Variants in PTCSC3 observed in about 807,000 individuals in gnomAD.
The protein encoded by PTCSC3 is papillary thyroid carcinoma susceptibility candidate 3, also known as papillary thyroid carcinoma susceptibility candidate 3 (non-protein coding).
intron 3 of PTCSC3, among the ~76,000 whole-genome samples, chr14:36,140,832 C>T (rs1366950248): frequency 6.6e-6 from 1 of 151,976 alleles, no homozygotes; most frequent in Non-Finnish European, 1.5e-5. Context: ...GATTTTCTTC[C>T]TGTGTTATCT....
intron 1 of PTCSC3, among the ~76,000 whole-genome samples, chr14:36,163,745 A>G (rs990675226): frequency 1.3e-5 from 2 of 152,202 alleles, no homozygotes; most frequent in African/African-American, 4.8e-5. Flanking sequence ...TTTAAAATAG[A>G]ACGGCACGAA....
At chr14:36,171,432 A>C (rs1834855) in intron 1 of PTCSC3, among the ~76,000 whole-genome samples, 1 of 151,620 alleles carries the variant, frequency 6.6e-6, no homozygotes, top group Non-Finnish European at 1.5e-5. Flanking sequence ...TGCTATACTG[A>C]AATCTGAATG....
chr14:36,145,911 T>C (rs1425896435), intron 3 of PTCSC3, among the ~76,000 whole-genome samples: 16 of 151,238 alleles, frequency 1.1e-4, no homozygotes, highest in East Asian at 3.9e-4. Context: ...GCCTTCATTT[T>C]GTTATGTACC....
chr14:36,163,558 C>A (rs1036804439), intron 1 of PTCSC3, among the ~76,000 whole-genome samples: 3 of 152,044 alleles, frequency 2.0e-5, no homozygotes, highest in African/African-American at 7.2e-5. Context: ...GACTAACTTC[C>A]AGAGGTCAGG....
At chr14:36,163,465 A>G (rs1468940602) in intron 1 of PTCSC3, among the ~76,000 whole-genome samples, 2 of 151,888 alleles carry the variant, frequency 1.3e-5, no homozygotes, top group African/African-American at 4.9e-5. Flanking sequence ...AACTAAAGAA[A>G]GGAAGGAGAG....
intron 1 of PTCSC3, among the ~76,000 whole-genome samples, chr14:36,166,442 A>T (rs1594456236): frequency 6.6e-6 from 1 of 152,234 alleles, no homozygotes. Context: ...CTTTATAAAA[A>T]GTTCAAATAT....
chr14:36,163,195 A>G (rs12433852), intron 1 of PTCSC3, among the ~76,000 whole-genome samples: 4,561 of 152,248 alleles, frequency 0.03, 177 homozygotes, highest in Admixed American at 0.11. Flanking sequence ...CAATATAGCA[A>G]GAGTCCATCT....
At chr14:36,149,149 C>G (rs922049106) in intron 3 of PTCSC3, among the ~76,000 whole-genome samples, 3 of 152,052 alleles carry the variant, frequency 2.0e-5, no homozygotes, top group South Asian at 2.1e-4. Flanking sequence ...AAATTTCCCT[C>G]TAGACATTGT....
intron 3 of PTCSC3, among the ~76,000 whole-genome samples, chr14:36,153,558 G>A (rs538535347): frequency 6.6e-6 from 1 of 152,160 alleles, no homozygotes; most frequent in South Asian, 2.1e-4. Flanking sequence ...ACATTCTTTG[G>A]CAGTATCTGT....
intron 3 of PTCSC3, among the ~76,000 whole-genome samples, chr14:36,139,192 T>G (rs1387219085): frequency 1.3e-5 from 2 of 151,538 alleles, no homozygotes; most frequent in Non-Finnish European, 2.9e-5. Flanking sequence ...CATAGAATCT[T>G]TATTAATAAG....
chr14:36,138,106 C>A (rs1372394177), intron 3 of PTCSC3, among the ~76,000 whole-genome samples: 2 of 152,000 alleles, frequency 1.3e-5, no homozygotes, highest in Non-Finnish European at 2.9e-5. Flanking sequence ...ATTAGAAAAA[C>A]CAAGGTAATT....
At chr14:36,148,405 G>A (rs375335699) in intron 3 of PTCSC3, among the ~76,000 whole-genome samples, 39 of 152,128 alleles carry the variant, frequency 2.6e-4, no homozygotes, top group African/African-American at 8.9e-4. Context: ...CGCAGTATTC[G>A]GGTGGGAGTG....
At chr14:36,138,968 G>A (rs1881353161) in intron 3 of PTCSC3, among the ~76,000 whole-genome samples, 1 of 151,992 alleles carries the variant, frequency 6.6e-6, no homozygotes, top group Admixed American at 6.6e-5. Flanking sequence ...CAAAAAATTA[G>A]CTGGGCGTGG....
intron 2 of PTCSC3, among the ~76,000 whole-genome samples, chr14:36,158,638 T>C (rs541467978): frequency 6.6e-6 from 1 of 152,338 alleles, no homozygotes; most frequent in African/African-American, 2.4e-5. Flanking sequence ...TTTGATGTGC[T>C]GCTGGATTTG....
intron 2 of PTCSC3, among the ~76,000 whole-genome samples, chr14:36,159,902 G>T (rs959030980): frequency 3.3e-5 from 5 of 152,150 alleles, no homozygotes; most frequent in African/African-American, 1.2e-4. Flanking sequence ...ATGAATCTGG[G>T]TGCTTCTGTA....
At chr14:36,165,780 G>A (rs1043320023) in intron 1 of PTCSC3, among the ~76,000 whole-genome samples, 7 of 145,502 alleles carry the variant, frequency 4.8e-5, no homozygotes, top group Admixed American at 3.5e-4. Flanking sequence ...GCTTCAGGAC[G>A]ATAATGAAAC....
chr14:36,142,241 G>T (rs1312467350), intron 3 of PTCSC3, among the ~76,000 whole-genome samples: 1 of 152,064 alleles, frequency 6.6e-6, no homozygotes, highest in Non-Finnish European at 1.5e-5. Context: ...ATAAATGTTG[G>T]ATTTTTCAAA....
At chr14:36,138,895 G>A (rs1294311453) in intron 3 of PTCSC3, among the ~76,000 whole-genome samples, 1 of 152,058 alleles carries the variant, frequency 6.6e-6, no homozygotes, top group South Asian at 2.1e-4. Context: ...CGAGGCAGGC[G>A]GATCACGAGG....
chr14:36,152,463 C>CA (rs997147526), intron 3 of PTCSC3, among the ~76,000 whole-genome samples: 34 of 150,798 alleles, frequency 2.3e-4, no homozygotes, highest in African/African-American at 7.6e-4. Context: ...GAGATCCCAT[C>CA]AAAAAAAGGC....
Sources: gnomAD v4.1 joint callset for allele counts (sites outside exome capture counted in the v4.1 genomes callset) on GRCh38, gnomAD v4.1.1 for gene constraint, MANE v1.5 for transcripts, NCBI Gene and HGNC (gene_info 2026-07-23, HGNC 2026-07-21) for gene names.